PCDHGA5: variants seen among roughly 807,000 people sequenced by gnomAD.
PCDHGA5 encodes protocadherin gamma subfamily A, 5.
A neutral mutation model predicts 56.7 loss-of-function variants in PCDHGA5; 36 were observed. The ratio of observed to expected loss-of-function variants is 0.64; its 90% confidence interval spans 0.49 to 0.84. The LOEUF is 0.84. PCDHGA5 is among the 40% of genes least tolerant of loss of function. The pLI is 0.00. For missense variants in PCDHGA5, 1,305 were observed against 1,201.5 expected (o/e 1.09, Z -1.27); for synonymous variants, 563 against 520.2 (o/e 1.08, Z -1.12).
At chr5:141,465,852 G>A (rs1250863307) in intron 1 of PCDHGA5, among the ~76,000 whole-genome samples, 1 of 151,996 alleles carries the variant, frequency 6.6e-6, no homozygotes, top group East Asian at 1.9e-4. Context: ...GCTGGGCCCA[G>A]TGGCTCATGC....
chr5:141,375,603 T>C, intron 1 of PCDHGA5: 4 of 1,614,158 alleles, frequency 2.5e-6, no homozygotes, highest in South Asian at 1.1e-5. Flanking sequence ...TACGTGTCCA[T>C]CAACTCCGAC....
At chr5:141,400,165 C>T (rs749867110) in intron 1 of PCDHGA5, 2 of 1,614,040 alleles carry the variant, frequency 1.2e-6, no homozygotes, top group South Asian at 2.2e-5. Flanking sequence ...ACCCTCTGAC[C>T]CCCAGGCTGA....
Position 141,387,312 on chromosome 5 carries a change from G to A in PCDHGA5, c.2421+20561G>A, listed in dbSNP as rs576543135. Reference sequence around the variant, plus strand: ...AAAATGTATCCAGTATATTTCTAATGAGTAAGTATGGAAAATTACTGTACT... The same window carrying A: ...AAAATGTATCCAGTATATTTCTAATAAGTAAGTATGGAAAATTACTGTACT... On this transcript the variant is annotated intron_variant, in intron 1 of 3. Transcript: ENST00000518069. Among the ~76,000 whole-genome samples, 3 of 152,338 alleles carry A rather than the reference G, an allele frequency of 2.0e-5. No homozygotes were observed. The East Asian group carries it at 5.8e-4, about 29-fold the overall frequency.
Position 141,491,706 on chromosome 5 carries a change from G to T in PCDHGA5, c.2422-3101G>T. 6.2e-7 allele frequency: 1 copy of T among 1,611,088 alleles called. No individual in the cohort carries two copies. Among genetic ancestry groups the T allele is most frequent in the Non-Finnish European group, 8.5e-7 (1 of 1,178,772 alleles). On this transcript the variant is annotated intron_variant, in intron 1 of 3. Coordinates refer to ENST00000518069, the MANE Select transcript of PCDHGA5 (RefSeq NM_018918.3). The surrounding 1 kb of genome is among the most constrained non-coding windows in gnomAD (Gnocchi z 6.9). Reference sequence around the variant, plus strand: ...CGCTGCGGGAGCGGAGCCAGGTGAGGGGCTCGGCGCCGCCCCGGGCGACCC... The same window carrying T: ...CGCTGCGGGAGCGGAGCCAGGTGAGTGGCTCGGCGCCGCCCCGGGCGACCC...
chr5:141,500,345 A>G (rs1459262760), intron 2 of PCDHGA5, among the ~76,000 whole-genome samples: 3 of 151,916 alleles, frequency 2.0e-5, no homozygotes, highest in Non-Finnish European at 4.4e-5. Context: ...AATAGCTGGG[A>G]CTACAGGCGC....
At chr5:141,423,251 ACCTCGGCAG>A (rs770264100) in intron 1 of PCDHGA5, 3 of 1,613,726 alleles carry the variant, frequency 1.9e-6, no homozygotes, top group African/African-American at 2.7e-5. Flanking sequence ...GTCCTGGCGG[ACCTCGGCAG>A]CCTCGAGTCT....
At chr5:141,408,045 A>G (rs544263424) in intron 1 of PCDHGA5, 8 of 1,236,658 alleles carry the variant, frequency 6.5e-6, no homozygotes, top group Admixed American at 3.0e-5. Flanking sequence ...CAGCTCCCAC[A>G]CAGAGCCTCC....
chr5:141,454,088 T>C (rs2154564493), intron 1 of PCDHGA5, among the ~76,000 whole-genome samples: 1 of 152,342 alleles, frequency 6.6e-6, no homozygotes. Context: ...CAGTGAAATT[T>C]GAATTGAACA....
chr5:141,419,043 A>G (rs1561777660), intron 1 of PCDHGA5: 5 of 1,613,958 alleles, frequency 3.1e-6, no homozygotes. Flanking sequence ...TTTAAGATTC[A>G]TTCTTCTTCT....
chr5:141,384,962 A>G (rs1303034041), intron 1 of PCDHGA5: 1 of 1,613,130 alleles, frequency 6.2e-7, no homozygotes, highest in East Asian at 2.2e-5. Flanking sequence ...TACAACTATG[A>G]CCTCACGTTG....
At chr5:141,372,077 G>A (rs533920380) in intron 1 of PCDHGA5, 223 of 1,613,592 alleles carry the variant, frequency 1.4e-4, no homozygotes, top group Non-Finnish European at 1.8e-4. Context: ...ATGCACCGCT[G>A]GTGCTGTACC....
At chr5:141,382,571 A>G (rs1016420360) in intron 1 of PCDHGA5, among the ~76,000 whole-genome samples, 2 of 152,244 alleles carry the variant, frequency 1.3e-5, no homozygotes, top group Admixed American at 6.5e-5. Flanking sequence ...AAGAAATCTA[A>G]CAGGGAAATT....
At chr5:141,505,245 A>G (rs530515894) in intron 2 of PCDHGA5, 148 bp from the exon 3 acceptor site, 294 of 1,430,832 alleles carry the variant, frequency 2.1e-4, no homozygotes, top group Admixed American at 1.8e-3. Flanking sequence ...GAAGGATTGT[A>G]GAAGTGCCTC....
rs1029237740 is a variant in PCDHGA5, at chr5:141,500,358, A to G, written c.2481-5035A>G. ...AGAATAGCTGGGACTACAGGCGCCC[A>G]CTACCACGCCCGGCTAATTATTTTG... On this transcript the variant is annotated intron_variant, in intron 2 of 3. Coordinates refer to ENST00000518069, the MANE Select transcript of PCDHGA5 (RefSeq NM_018918.3). Among the ~76,000 whole-genome samples, 5 of 151,706 alleles carry G rather than the reference A, an allele frequency of 3.3e-5. No homozygotes were observed. In the South Asian group the frequency reaches 6.3e-4, roughly 19 times the overall value.
At position 141,490,370 on chromosome 5, in the gene PCDHGA5, G is replaced by A. The variant is rs768474199; in HGVS notation, c.2422-4437G>A. Reference sequence around the variant, plus strand: ...GTGGGGTTGTTTAATGTGCGAGACCGGGACTCAGGTAGAAATGGTGAAGTG... The same window carrying A: ...GTGGGGTTGTTTAATGTGCGAGACCAGGACTCAGGTAGAAATGGTGAAGTG... On this transcript the variant is annotated intron_variant, in intron 1 of 3. Coordinates refer to ENST00000518069, the MANE Select transcript of PCDHGA5 (RefSeq NM_018918.3). The surrounding 1 kb of genome is among the most constrained non-coding windows in gnomAD (Gnocchi z 5.4). 32 of 1,614,054 alleles carry A rather than the reference G, an allele frequency of 2.0e-5. No homozygotes were observed. The highest frequency in any genetic ancestry group is 1.0e-4 in the Admixed American group (6 of 60,006).
chr5:141,395,107 A>G (rs2093174446), intron 1 of PCDHGA5: 1 of 1,614,212 alleles, frequency 6.2e-7, no homozygotes, highest in African/African-American at 1.3e-5. Context: ...GACTCGCGGA[A>G]GAGTCACCTG....
chr5:141,398,804 C>T, intron 1 of PCDHGA5: 1 of 1,614,012 alleles, frequency 6.2e-7, no homozygotes, highest in Non-Finnish European at 8.5e-7. Context: ...AGCGGCACCA[C>T]TGAGCTCCGG....
At chr5:141,409,531 T>C (rs2095279232) in intron 1 of PCDHGA5, 1 of 1,613,870 alleles carries the variant, frequency 6.2e-7, no homozygotes, top group Non-Finnish European at 8.5e-7. Context: ...TGTATGTCGC[T>C]GACATCAACG....
intron 1 of PCDHGA5, among the ~76,000 whole-genome samples, chr5:141,405,944 A>T (rs1435240635): frequency 6.6e-6 from 1 of 152,130 alleles, no homozygotes; most frequent in East Asian, 1.9e-4. Flanking sequence ...TCATGTTCTC[A>T]TAATAATTAA....
Sources: gnomAD v4.1 joint callset for allele counts (sites outside exome capture counted in the v4.1 genomes callset) on GRCh38, gnomAD v4.1.1 for gene constraint, Gnocchi (gnomAD v3.1) non-coding constraint, MANE v1.5 for transcripts, NCBI Gene and HGNC (gene_info 2026-07-23, HGNC 2026-07-21) for gene names.